STARD7: variants seen among roughly 807,000 people sequenced by gnomAD.
STARD7 encodes the protein StAR related lipid transfer domain containing 7.
Under a neutral mutation model 45.3 loss-of-function variants are expected in STARD7, and 30 were observed. The observed-to-expected ratio is 0.66, with a 90% CI of 0.50 to 0.90. The LOEUF is 0.90. Ranked by LOEUF, STARD7 falls within the 40% of genes least tolerant of loss-of-function variation. STARD7 has a pLI of 0.00. For missense variants in STARD7, 495 were observed against 491.3 expected (o/e 1.01, Z -0.07); for synonymous variants, 199 against 183.0 (o/e 1.09, Z -0.70).
rs773839860 is a variant in STARD7, at chr2:96,208,222, A to C, written c.213T>G (p.His71Gln). 1.2e-6 allele frequency: 2 copies of C among 1,612,512 alleles called. No individual in the cohort carries two copies. The highest frequency in any genetic ancestry group is 1.1e-5 in the South Asian group (1 of 90,946). Residue 71 changes from histidine (H) to glutamine (Q), a missense_variant, in exon 1 of 8, where the codon CAT (histidine) becomes CAG (glutamine). Coordinates refer to ENST00000337288, the MANE Select transcript of STARD7 (RefSeq NM_020151.4). ...LWRRLHGRPG[H>Q]ASALMAALAG... ...CTAACGCCGCCATCAAGGCAGAGGC[A>C]TGGCCAGGACGGCCGTGCAGCCGGC...
chr2:96,208,557 G>A lies in STARD7; in HGVS notation c.-123C>T, dbSNP rs1006647898. 2.3e-4 allele frequency: 192 copies of A among 822,728 alleles called. 6 individuals carry two copies. The South Asian group carries it at 3.8e-3, about 16-fold the overall frequency. The allele number at this position is 822,728 out of a possible 1,614,324, so 51.0% of individuals were successfully genotyped here. A position where few individuals can be genotyped will look rare whatever the true frequency, so the allele number is the denominator to read the frequency against. The stretch of plus-strand genomic sequence containing the variant: ...CACGAACCCGTCTCACGGTCCCGCG[G>A]CCAGGAGCCGCCGCTCATCTGTCTC... On this transcript the variant is annotated 5_prime_UTR_variant, in exon 1 of 8. Transcript: ENST00000337288.
At chr2:96,196,729 G>C (rs1683215487) in intron 1 of STARD7, among the ~76,000 whole-genome samples, 1 of 151,862 alleles carries the variant, frequency 6.6e-6, no homozygotes, top group Non-Finnish European at 1.5e-5. Context: ...CCAAAGTTCT[G>C]GGATTACAGG....
chr2:96,191,473 G>A (rs889645139), intron 6 of STARD7, among the ~76,000 whole-genome samples: 1 of 152,040 alleles, frequency 6.6e-6, no homozygotes, highest in Admixed American at 6.6e-5. Context: ...CAGCTACATG[G>A]TTTTCGAGTA....
chr2:96,185,406 T>G lies in STARD7; in HGVS notation c.*1324A>C, dbSNP rs958971145. ...CAAAAACAAAAACAAAAACAAAAACTCTGGCCCTCAAGACTCCAGAAAAAA... is the reference window on the plus strand; with the variant it reads ...CAAAAACAAAAACAAAAACAAAAACGCTGGCCCTCAAGACTCCAGAAAAAA... On this transcript the variant is annotated 3_prime_UTR_variant, in exon 8 of 8. Coordinates refer to ENST00000337288, the MANE Select transcript of STARD7 (RefSeq NM_020151.4). The G allele has an allele frequency of 2.0e-5, 3 of 151,946 alleles. No individual in the cohort carries two copies. The highest frequency in any genetic ancestry group is 4.4e-5 in the Non-Finnish European group (3 of 68,010). 9.4% of individuals were successfully genotyped at this position (151,946 alleles called of 1,614,324 possible). A position where few individuals can be genotyped will look rare whatever the true frequency, so the allele number is the denominator to read the frequency against.
intron 1 of STARD7, among the ~76,000 whole-genome samples, chr2:96,199,408 CGTAT>C (rs1191596878): frequency 2.0e-5 from 3 of 152,052 alleles, no homozygotes; most frequent in African/African-American, 7.2e-5. Context: ...TTAATTTATT[CGTAT>C]GTATTTATTC....
chr2:96,199,920 C>T (rs138179630), intron 1 of STARD7, among the ~76,000 whole-genome samples: 174 of 152,240 alleles, frequency 1.1e-3, no homozygotes, highest in African/African-American at 4.0e-3. Context: ...CAGATGATCA[C>T]GCAGTTTTTG....
At chr2:96,198,911 T>G (rs1389903983) in intron 1 of STARD7, among the ~76,000 whole-genome samples, 1 of 152,214 alleles carries the variant, frequency 6.6e-6, no homozygotes, top group South Asian at 2.1e-4. Flanking sequence ...CTTCTCCAGG[T>G]GACCCAGTGT....
chr2:96,200,178 A>T (rs1208993041), intron 1 of STARD7, among the ~76,000 whole-genome samples: 2 of 152,164 alleles, frequency 1.3e-5, no homozygotes, highest in East Asian at 3.8e-4. Flanking sequence ...AGCTCAGGTG[A>T]TTCTCCCACT....
chr2:96,187,404 T>A (rs527594376), intron 6 of STARD7, 103 bp from the exon 7 acceptor site: 1 of 736,480 alleles, frequency 1.4e-6, no homozygotes, highest in South Asian at 1.7e-5. Context: ...GAGCAGGGAG[T>A]GTCATTTCTT....
At chr2:96,197,994 G>A (rs1358767284) in intron 1 of STARD7, among the ~76,000 whole-genome samples, 1 of 151,774 alleles carries the variant, frequency 6.6e-6, no homozygotes, top group East Asian at 1.9e-4. Context: ...TTATTATAGT[G>A]CTATTATAAT....
chr2:96,188,779 A>G (rs933455821), intron 6 of STARD7, among the ~76,000 whole-genome samples: 4 of 151,884 alleles, frequency 2.6e-5, no homozygotes, highest in African/African-American at 9.6e-5. Context: ...CAGTAATCCC[A>G]GCTACTCGGG....
chr2:96,207,567 T>C (rs746423178), intron 1 of STARD7, among the ~76,000 whole-genome samples: 18 of 152,204 alleles, frequency 1.2e-4, no homozygotes, highest in Non-Finnish European at 2.5e-4. Context: ...CCCAAAGTTC[T>C]AGTTAACGTC....
intron 1 of STARD7, among the ~76,000 whole-genome samples, chr2:96,204,749 C>CAAAAAA (rs397959036): frequency 1.0e-5 from 1 of 96,144 alleles, no homozygotes; most frequent in African/African-American, 3.9e-5. Context: ...TGACAATGGC[C>CAAAAAA]AAAAAAAAAA....
chr2:96,194,803 G>A (rs1029517710), intron 3 of STARD7, among the ~76,000 whole-genome samples, 155 bp downstream of exon 3: 3 of 152,190 alleles, frequency 2.0e-5, no homozygotes, highest in Admixed American at 2.0e-4. Flanking sequence ...GAAATTCTAA[G>A]TCAAATGTTT....
intron 6 of STARD7, among the ~76,000 whole-genome samples, chr2:96,189,638 G>A (rs1683094183): frequency 6.6e-6 from 1 of 151,404 alleles, no homozygotes; most frequent in Admixed American, 6.6e-5. Flanking sequence ...CTGGCAGGTG[G>A]AGGTTGCAAG....
chr2:96,195,345 G>C lies in STARD7; in HGVS notation c.495C>G (p.Tyr165Ter). 1 of 1,567,776 alleles carries C rather than the reference G, an allele frequency of 6.4e-7. No individual in the cohort carries two copies. The highest frequency in any genetic ancestry group is 2.3e-5 in the East Asian group (1 of 42,782). ...AGATAGCCACACTGGGCTCACCTCG[G>C]TACTGGTAAAGGTGGGTGCCTGTAA... ...RPITGTHLYQ[Y>*]RVFGTYTDVT... is the part of the protein sequence containing the mutation. The change falls in exon 2 of 8, where the codon TAC (tyrosine) becomes TAG (stop). Residue 165 changes from tyrosine to a stop codon, truncating the protein, a stop_gained. Transcript: ENST00000337288. LOFTEE classifies it high-confidence loss of function.
At chr2:96,195,193 T>G in intron 2 of STARD7, 148 bp downstream of exon 2, 4 of 835,080 alleles carry the variant, frequency 4.8e-6, no homozygotes, top group Non-Finnish European at 7.5e-6. Flanking sequence ...ACTGAGACAT[T>G]TGTCATCTGG....
rs1489191579 is a variant in STARD7 at position 96,204,351 on chromosome 2, G to C, written c.290+3794C>G. Among the ~76,000 whole-genome samples the C allele has an allele frequency of 2.0e-5, 3 of 152,086 alleles. No homozygotes were observed. In the East Asian group the frequency reaches 5.8e-4, roughly 29 times the overall value. ...AGGCGGATCACGAGGTCAAGAGCTGGAGACCAGCCTGTCCAACATGGTGAA... is the reference window on the plus strand; with the variant it reads ...AGGCGGATCACGAGGTCAAGAGCTGCAGACCAGCCTGTCCAACATGGTGAA... On this transcript the variant is annotated intron_variant, in intron 1 of 7. Transcript: ENST00000337288.
At chr2:96,197,109 AATAAAAT>A (rs1683231706) in intron 1 of STARD7, among the ~76,000 whole-genome samples, 1 of 144,418 alleles carries the variant, frequency 6.9e-6, no homozygotes, top group East Asian at 2.1e-4. Flanking sequence ...AATAAAATAA[AATAAAAT>A]AAAATAAAGC....
Sources: gnomAD v4.1 joint callset for allele counts (sites outside exome capture counted in the v4.1 genomes callset) on GRCh38, gnomAD v4.1.1 for gene constraint, MANE v1.5 for transcripts, NCBI Gene and HGNC (gene_info 2026-07-23, HGNC 2026-07-21) for gene names.